The following XKR9 variants were observed in gnomAD, a reference collection of about 807,000 sequenced individuals.
XKR9 encodes XK related 9.
In XKR9, 32 loss-of-function variants were observed where a neutral mutation model predicts 32.0. The observed-to-expected ratio is 1.00, with a 90% CI of 0.76 to 1.34. XKR9 has a LOEUF of 1.34. XKR9 is among the 40% of genes most tolerant of loss of function. The probability of loss-of-function intolerance (pLI) is 0.00; values close to 1 mark genes in which losing one functional copy is unlikely to be tolerated. For synonymous variants in XKR9, 168 were observed against 143.4 expected (o/e 1.17, Z -1.22); for missense variants, 546 against 429.7 (o/e 1.27, Z -2.39).
chr8:70,894,520 G>C, the XKR9 span, among the ~76,000 whole-genome samples: 1 of 152,118 alleles, frequency 6.6e-6, no homozygotes, highest in Non-Finnish European at 1.5e-5. Flanking sequence ...GCTCAGCCAT[G>C]ATACCAATTC....
At chr8:71,030,951 A>G in the XKR9 span, among the ~76,000 whole-genome samples, 1 of 152,314 alleles carries the variant, frequency 6.6e-6, no homozygotes, top group Non-Finnish European at 1.5e-5. Flanking sequence ...TACTTTCTCT[A>G]TAAAATGGCA....
chr8:70,944,420 T>A, the XKR9 span, among the ~76,000 whole-genome samples: 2,587 of 152,300 alleles, frequency 0.017, 64 homozygotes, highest in African/African-American at 0.059. Flanking sequence ...TTTAGAATGT[T>A]GTTGATATAA....
intron 2 of XKR9, among the ~76,000 whole-genome samples, chr8:70,787,761 C>T (rs181198967): frequency 2.0e-4 from 30 of 152,110 alleles, no homozygotes; most frequent in Non-Finnish European, 3.4e-4. Flanking sequence ...AAATGTTGCA[C>T]TAGGTATCTA....
chr8:71,020,242 C>CAGTTGGAAAT, the XKR9 span, among the ~76,000 whole-genome samples: 1 of 152,108 alleles, frequency 6.6e-6, no homozygotes, highest in Non-Finnish European at 1.5e-5. Context: ...TTAGTTGAGC[C>CAGTTGGAAAT]AGTTGGAAAT....
chr8:70,749,414 G>T (rs1807103232), intron 2 of XKR9, among the ~76,000 whole-genome samples: 1 of 151,396 alleles, frequency 6.6e-6, no homozygotes, highest in Non-Finnish European at 1.5e-5. Flanking sequence ...GAGTTCTGTG[G>T]TTACCTGTGC....
At chr8:70,741,161 G>C (rs1395153136) in intron 2 of XKR9, among the ~76,000 whole-genome samples, 1 of 152,236 alleles carries the variant, frequency 6.6e-6, no homozygotes, top group Non-Finnish European at 1.5e-5. Flanking sequence ...ACCTAAGCAA[G>C]CCTGGGCAAT....
the XKR9 span, among the ~76,000 whole-genome samples, chr8:70,842,757 T>C: frequency 3.3e-5 from 5 of 152,248 alleles, no homozygotes; most frequent in Admixed American, 2.6e-4. Context: ...TTGCATTGGC[T>C]GCTATTTACT....
the XKR9 span, among the ~76,000 whole-genome samples, chr8:70,823,511 C>G: frequency 6.6e-6 from 1 of 152,220 alleles, no homozygotes; most frequent in South Asian, 2.1e-4. Flanking sequence ...TACACTCTAT[C>G]TTTTCTATTA....
the XKR9 span, among the ~76,000 whole-genome samples, chr8:70,931,148 TA>T: frequency 0.057 from 8,053 of 140,832 alleles, 288 homozygotes; most frequent in East Asian, 0.26. Flanking sequence ...CAAGCTTAAG[TA>T]AAAAAAAAAA....
chr8:70,707,976 G>A (rs1383248695), intron 4 of XKR9, among the ~76,000 whole-genome samples: 1 of 151,910 alleles, frequency 6.6e-6, no homozygotes, highest in Non-Finnish European at 1.5e-5. Context: ...TATTTCAGGG[G>A]ATAAGATTGT....
At chr8:70,870,923 T>C in the XKR9 span, among the ~76,000 whole-genome samples, 2 of 152,162 alleles carry the variant, frequency 1.3e-5, no homozygotes, top group African/African-American at 4.8e-5. Flanking sequence ...AACAGTAGCA[T>C]TAAGAAGTGT....
At chr8:70,722,014 G>C (rs948240569) in intron 4 of XKR9, among the ~76,000 whole-genome samples, 1 of 152,086 alleles carries the variant, frequency 6.6e-6, no homozygotes, top group African/African-American at 2.4e-5. Flanking sequence ...AGGATAGTTA[G>C]GTCTTCTTGT....
the XKR9 span, among the ~76,000 whole-genome samples, chr8:70,802,849 G>C: frequency 2.0e-5 from 3 of 152,172 alleles, no homozygotes; most frequent in Non-Finnish European, 2.9e-5. Context: ...CTCCCTTGTA[G>C]GCAGCCTGCC....
chr8:70,744,363 T>C (rs1807028834), intron 2 of XKR9, among the ~76,000 whole-genome samples: 1 of 152,146 alleles, frequency 6.6e-6, no homozygotes, highest in Non-Finnish European at 1.5e-5. Flanking sequence ...TGTAAAGCTT[T>C]TTAACATTTA....
the XKR9 span, among the ~76,000 whole-genome samples, chr8:70,868,108 G>A: frequency 2.0e-5 from 3 of 152,166 alleles, no homozygotes; most frequent in African/African-American, 4.8e-5. Flanking sequence ...GCTTTGCAGG[G>A]TATAGCTTCT....
chr8:71,010,736 A>G, the XKR9 span, among the ~76,000 whole-genome samples: 1 of 152,196 alleles, frequency 6.6e-6, no homozygotes, highest in African/African-American at 2.4e-5. Context: ...GAGAGAAAGA[A>G]AAATCAAACA....
downstream of XKR9, among the ~76,000 whole-genome samples, chr8:70,736,927 C>T (rs1241568873): frequency 3.9e-5 from 6 of 152,184 alleles, no homozygotes; most frequent in African/African-American, 1.4e-4. Context: ...GTTCTTTTGG[C>T]TTAGGATTGA....
At chr8:70,927,797 A>G in the XKR9 span, among the ~76,000 whole-genome samples, 1 of 152,168 alleles carries the variant, frequency 6.6e-6, no homozygotes, top group Non-Finnish European at 1.5e-5. Context: ...CCATACATGT[A>G]CTGTTTCTGT....
chr8:70,993,600 ATCTTCCTTCCTTCCTTCCTTCCT>A, the XKR9 span, among the ~76,000 whole-genome samples: 1 of 79,200 alleles, frequency 1.3e-5, no homozygotes, highest in East Asian at 2.4e-4. Context: ...TTCATAGGAC[ATCTTCCTTCCTTCCTTCCTTCCT>A]TCCTTCCTTC....
Sources: gnomAD v4.1 joint callset for allele counts (sites outside exome capture counted in the v4.1 genomes callset) on GRCh38, gnomAD v4.1.1 for gene constraint, MANE v1.5 for transcripts, NCBI Gene and HGNC (gene_info 2026-07-23, HGNC 2026-07-21) for gene names.